Variants in SGCG observed in about 807,000 individuals in gnomAD.
SGCG encodes sarcoglycan gamma.
A neutral mutation model predicts 29.3 loss-of-function variants in SGCG; 26 were observed. The observed-to-expected ratio is 0.89, with a 90% CI of 0.65 to 1.23. The LOEUF (loss-of-function observed/expected upper bound fraction) is 1.23. SGCG is among the 50% of genes most tolerant of loss of function. The pLI, the probability that SGCG is intolerant of heterozygous loss-of-function variation, is 0.00. For missense variants in SGCG, 353 were observed against 356.0 expected (o/e 0.99, Z 0.07); for synonymous variants, 145 against 129.7 (o/e 1.12, Z -0.80).
chr13:23,248,699 G>GAA (rs1171271521), intron 3 of SGCG, among the ~76,000 whole-genome samples: 1 of 99,284 alleles, frequency 1.0e-5, no homozygotes, highest in Non-Finnish European at 2.1e-5. Flanking sequence ...GTCTCAAAAA[G>GAA]AAAAAAAAAA....
the SGCG span, among the ~76,000 whole-genome samples, chr13:23,170,255 T>C: frequency 6.6e-6 from 1 of 152,230 alleles, no homozygotes; most frequent in Admixed American, 6.5e-5. Context: ...CTGGGTGATA[T>C]ATTTAATGTA....
At chr13:23,216,218 A>T (rs1878422343) in intron 2 of SGCG, among the ~76,000 whole-genome samples, 1 of 152,100 alleles carries the variant, frequency 6.6e-6, no homozygotes, top group African/African-American at 2.4e-5. Flanking sequence ...TCCCATTCAG[A>T]ACCCCTGAAT....
At chr13:23,304,814 A>C (rs918027238) in intron 6 of SGCG, among the ~76,000 whole-genome samples, 5 of 152,132 alleles carry the variant, frequency 3.3e-5, no homozygotes, top group African/African-American at 1.2e-4. Flanking sequence ...TTTTTGGTAG[A>C]GACCGGGTTT....
At chr13:23,259,671 G>A (rs185818279) in intron 4 of SGCG, among the ~76,000 whole-genome samples, 44 of 152,184 alleles carry the variant, frequency 2.9e-4, no homozygotes, top group Non-Finnish European at 2.9e-5. Flanking sequence ...GCTTTCTCTT[G>A]TGGGCATTTA....
At chr13:23,166,408 A>G in the SGCG span, among the ~76,000 whole-genome samples, 1 of 151,924 alleles carries the variant, frequency 6.6e-6, no homozygotes, top group Non-Finnish European at 1.5e-5. Flanking sequence ...GTTGGCCAGG[A>G]TGGTCTCAAT....
intron 4 of SGCG, among the ~76,000 whole-genome samples, chr13:23,265,241 AAAACAGATCAGCAAG>A (rs1350183167): frequency 6.6e-6 from 1 of 151,594 alleles, no homozygotes; most frequent in Admixed American, 6.6e-5. Context: ...ACGAGGAAAT[AAAACAGATCAGCAAG>A]AAAAAAAAAA....
intron 6 of SGCG, among the ~76,000 whole-genome samples, chr13:23,311,640 T>C (rs775243406): frequency 1.7e-4 from 26 of 152,212 alleles, no homozygotes; most frequent in Non-Finnish European, 3.2e-4. Context: ...GTGCTACTTA[T>C]ACTGAGGTGT....
chr13:23,251,577 G>C (rs1483520823), intron 4 of SGCG, among the ~76,000 whole-genome samples: 1 of 152,066 alleles, frequency 6.6e-6, no homozygotes, highest in African/African-American at 2.4e-5. Flanking sequence ...GAATCTAGGT[G>C]ATCAAGATCA....
chr13:23,303,460 T>C (rs1009413514), intron 6 of SGCG, among the ~76,000 whole-genome samples: 128 of 152,192 alleles, frequency 8.4e-4, no homozygotes, highest in African/African-American at 3.0e-3. Flanking sequence ...CCCACAGGCA[T>C]GTTCAGAATC....
chr13:23,310,380 C>A (rs550998651), intron 6 of SGCG, among the ~76,000 whole-genome samples: 3 of 152,104 alleles, frequency 2.0e-5, no homozygotes, highest in Non-Finnish European at 2.9e-5. Context: ...GCCACCGCGC[C>A]GGGCCTGAAT....
In SGCG at chr13:23,247,785, A is replaced by T. The variant is rs1482201837; in HGVS notation, c.298-2845A>T. ...ACATAGTTAAAACTCATCTCTATTTAAAAAAAAAAAAAAAAATCAGCTGGG... is the reference window on the plus strand; with the variant it reads ...ACATAGTTAAAACTCATCTCTATTTTAAAAAAAAAAAAAAAATCAGCTGGG... On this transcript the variant is annotated intron_variant, in intron 3 of 7. Transcript: ENST00000218867. 1.5e-3 allele frequency among the ~76,000 whole-genome samples: 33 copies of T among 22,522 alleles called. 1 individual carries two copies. In the South Asian group the frequency reaches 0.025, roughly 17 times the overall value. The allele number at this position is 22,522 out of a possible 152,430, so 14.8% of individuals were successfully genotyped here. A position where few individuals can be genotyped will look rare whatever the true frequency, so the allele number is the denominator to read the frequency against.
chr13:23,273,373 T>G (rs1002132473), intron 4 of SGCG, among the ~76,000 whole-genome samples: 2 of 151,934 alleles, frequency 1.3e-5, no homozygotes, highest in African/African-American at 4.8e-5. Flanking sequence ...TTAGTAGAGA[T>G]AGGGTTTCAC....
chr13:23,305,452 T>G (rs978190421), intron 6 of SGCG, among the ~76,000 whole-genome samples: 2 of 152,238 alleles, frequency 1.3e-5, no homozygotes, highest in African/African-American at 4.8e-5. Flanking sequence ...CCAAGTATAC[T>G]ATCAGATCAT....
the SGCG span, among the ~76,000 whole-genome samples, chr13:23,160,775 C>G: frequency 6.6e-6 from 1 of 152,152 alleles, no homozygotes; most frequent in Non-Finnish European, 1.5e-5. Flanking sequence ...TCCAGCCTTC[C>G]TCCTAGGACT....
chr13:23,257,068 A>G (rs191763319), intron 4 of SGCG, among the ~76,000 whole-genome samples: 7 of 152,304 alleles, frequency 4.6e-5, no homozygotes, highest in Non-Finnish European at 5.9e-5. Context: ...AGTGATCGCC[A>G]TTCCAACTGG....
intron 5 of SGCG, among the ~76,000 whole-genome samples, chr13:23,280,934 C>CG (rs1440335961): frequency 6.6e-6 from 1 of 152,086 alleles, no homozygotes; most frequent in Non-Finnish European, 1.5e-5. Flanking sequence ...GGGCTCCTTC[C>CG]GGGCCATGAC....
intron 6 of SGCG, among the ~76,000 whole-genome samples, 193 bp downstream of exon 6, chr13:23,295,680 C>A (rs1881879048): frequency 6.6e-6 from 1 of 152,200 alleles, no homozygotes; most frequent in African/African-American, 2.4e-5. Context: ...CTACTGACTC[C>A]ACACTTGGTG....
chr13:23,293,822 T>C (rs931312741), intron 5 of SGCG, among the ~76,000 whole-genome samples: 9 of 120,504 alleles, frequency 7.5e-5, no homozygotes, highest in Admixed American at 5.9e-4. Flanking sequence ...CAGAGTGAGA[T>C]TCCGTCTTAA....
intron 2 of SGCG, among the ~76,000 whole-genome samples, chr13:23,205,337 A>G (rs557502213): frequency 1.3e-5 from 2 of 152,148 alleles, no homozygotes; most frequent in Non-Finnish European, 2.9e-5. Context: ...TAAAGTCCTC[A>G]AATTATAAAC....
Sources: gnomAD v4.1 joint callset for allele counts (sites outside exome capture counted in the v4.1 genomes callset) on GRCh38, gnomAD v4.1.1 for gene constraint, MANE v1.5 for transcripts, NCBI Gene and HGNC (gene_info 2026-07-23, HGNC 2026-07-21) for gene names.